SH3GL1: variants seen among roughly 807,000 people sequenced by gnomAD.
The protein encoded by SH3GL1 is SH3 domain containing GRB2 like 1, endophilin A2.
A neutral mutation model predicts 48.8 loss-of-function variants in SH3GL1; 21 were observed. That is an observed-to-expected ratio of 0.43 (90% CI 0.30 to 0.62). The LOEUF is 0.62. Ranked by LOEUF, SH3GL1 falls within the 20% of genes least tolerant of loss-of-function variation. SH3GL1 has a pLI of 0.11. For synonymous variants in SH3GL1, 282 were observed against 217.5 expected, an observed-to-expected ratio of 1.30 and a Z score of -2.61; for missense variants, 454 against 503.0, an observed-to-expected ratio of 0.90 and a Z score of 0.93.
chr19:4,384,016 C>A (rs183494747), intron 1 of SH3GL1, among the ~76,000 whole-genome samples: 452 of 152,316 alleles, frequency 3.0e-3, no homozygotes, highest in African/African-American at 9.7e-3. Flanking sequence ...GGCTACAAAT[C>A]AATCTTATCA....
intron 1 of SH3GL1, among the ~76,000 whole-genome samples, chr19:4,385,500 G>A (rs1357015810): frequency 6.6e-6 from 1 of 152,182 alleles, no homozygotes; most frequent in East Asian, 1.9e-4. Context: ...CTCCAGAAAC[G>A]TGATTGCAGC....
At chr19:4,364,892 G>A (rs1179727349) in intron 4 of SH3GL1, among the ~76,000 whole-genome samples, 203 of 108,130 alleles carry the variant, frequency 1.9e-3, no homozygotes, top group African/African-American at 6.9e-3. Flanking sequence ...GTGTGTGTGT[G>A]TGTGTGTATA....
chr19:4,365,748 A>T (rs1972763496), intron 3 of SH3GL1, 123 bp from the exon 4 acceptor site: 2 of 1,375,370 alleles, frequency 1.5e-6, no homozygotes, highest in South Asian at 2.3e-5. Flanking sequence ...CCTAGGCCAC[A>T]CAAAGCACAG....
chr19:4,366,660 T>C, intron 2 of SH3GL1, 87 bp from the exon 3 acceptor site: 1 of 1,270,162 alleles, frequency 7.9e-7, no homozygotes, highest in Non-Finnish European at 1.1e-6. Context: ...CCTCCTGCCC[T>C]AAGAGCCCAT....
intron 1 of SH3GL1, among the ~76,000 whole-genome samples, chr19:4,369,422 C>A (rs552207639): frequency 2.4e-4 from 37 of 152,336 alleles, no homozygotes; most frequent in Non-Finnish European, 2.5e-4. Context: ...ACCTTCTGGG[C>A]GGAGGCCACC....
chr19:4,364,036 C>T, intron 5 of SH3GL1, 52 bp downstream of exon 5: 1 of 1,609,142 alleles, frequency 6.2e-7, no homozygotes, highest in Non-Finnish European at 8.5e-7. Context: ...AATGGGGCTG[C>T]CCCATCCGGC....
Position 4,400,264 on chromosome 19 carries a change from G to A in SH3GL1, c.45+60C>T. On this transcript the variant is annotated intron_variant, in intron 1 of 9. Transcript: ENST00000269886. The surrounding 1 kb of genome is among the most constrained non-coding windows in gnomAD (Gnocchi z 4.1). ...CCCCTCCCGGGCCAGGTCGGGCCTG[G>A]CTCCCTCATCCGGGCAGCCCGGGGC... The A allele has an allele frequency of 6.4e-7, 1 of 1,556,348 alleles. No homozygotes were observed. The highest frequency in any genetic ancestry group is 8.7e-7 in the Non-Finnish European group (1 of 1,150,228).
At chr19:4,393,428 G>A (rs534761327) in intron 1 of SH3GL1, among the ~76,000 whole-genome samples, 5 of 152,200 alleles carry the variant, frequency 3.3e-5, no homozygotes, top group East Asian at 1.9e-4. Context: ...AAGACCTGGA[G>A]TGGTGGGGTT....
In SH3GL1 at chr19:4,361,739, C is replaced by A. The variant is rs771296697; in HGVS notation, c.968G>T (p.Gly323Val). Residue 323 changes from glycine (G) to valine (V), a missense_variant, in exon 10 of 10, where the codon GGG (glycine) becomes GTG (valine). Physicochemically the swap from Gly to Val is moderately radical, Grantham distance 109 (BLOSUM62 -3). Coordinates refer to ENST00000269886, the MANE Select transcript of SH3GL1 (RefSeq NM_003025.4). Reference protein sequence around the residue: ...ALYDFEPENDGELGFHEGDVI... With the variant: ...ALYDFEPENDVELGFHEGDVI... ...GTCGCCCTCATGGAAGCCCAGCTCC[C>A]CGTCGTTCTCGGGCTCGAAGTCGTA... 6.2e-7 allele frequency: 1 copy of A among 1,612,974 alleles called. No individual in the cohort carries two copies. The highest frequency in any genetic ancestry group is 8.5e-7 in the Non-Finnish European group (1 of 1,179,876).
At chr19:4,371,645 C>T (rs1230001665) in intron 1 of SH3GL1, among the ~76,000 whole-genome samples, 15 of 152,216 alleles carry the variant, frequency 9.9e-5, no homozygotes, top group African/African-American at 3.4e-4. Flanking sequence ...CCACATTTGC[C>T]CGCAGAGGGG....
chr19:4,364,623 G>A (rs1599591750), intron 4 of SH3GL1: 2 of 256,806 alleles, frequency 7.8e-6, no homozygotes, highest in East Asian at 2.1e-4. Context: ...TAGAGACGGG[G>A]TTTCACCATA....
At chr19:4,392,562 ACACACAC>A (rs1568422027) in intron 1 of SH3GL1, among the ~76,000 whole-genome samples, 17 of 125,248 alleles carry the variant, frequency 1.4e-4, no homozygotes, top group African/African-American at 5.2e-4. Context: ...ACACACACAC[ACACACAC>A]AAAAGATCAT....
chr19:4,361,161 T>C lies in SH3GL1; in HGVS notation c.*439A>G, dbSNP rs374741460. ...AGGGTCCTATCTCTGAGCCACCCCA[T>C]GGGGACCCTCGATCCCATCCTGTTA... On this transcript the variant is annotated 3_prime_UTR_variant, in exon 10 of 10. Coordinates refer to ENST00000269886, the MANE Select transcript of SH3GL1 (RefSeq NM_003025.4). The C allele has an allele frequency of 2.0e-3, 539 of 264,920 alleles. No homozygotes were observed. The highest frequency in any genetic ancestry group is 9.9e-3 in the African/African-American group (454 of 45,778). The allele number at this position is 264,920 out of a possible 1,614,324, so 16.4% of individuals were successfully genotyped here.
rs140095586 is a variant in SH3GL1, at chr19:4,361,639, C to T, written c.1068G>A (p.Pro356=). The change falls in exon 10 of 10, where the codon CCG becomes CCA. Residue 356 remains proline (P), a synonymous_variant. Transcript: ENST00000269886. ...GMLDGQSGFF[P]LSYVEVLVPL... is the part of the protein sequence containing the mutation. ...GCACAAGCACCTCCACGTAGCTGAG[C>T]GGGAAGAAGCCCGACTGGCCGTCCA... 3.4e-4 allele frequency: 554 copies of T among 1,608,582 alleles called. 4 individuals carry two copies. In the South Asian group the frequency reaches 5.3e-3, roughly 15 times the overall value.
chr19:4,363,921 G>A, intron 5 of SH3GL1, 43 bp from the exon 6 acceptor site: 1 of 1,611,012 alleles, frequency 6.2e-7, no homozygotes, highest in Non-Finnish European at 8.5e-7. Flanking sequence ...AGCGGCCAGA[G>A]GGCCGCCCCA....
In SH3GL1 at chr19:4,400,184, G is replaced by T; in HGVS notation, c.45+140C>A. The T allele has an allele frequency of 2.2e-6, 2 of 914,490 alleles. No homozygotes were observed. Among genetic ancestry groups the T allele is most frequent in the Non-Finnish European group, 3.2e-6 (2 of 634,304 alleles). The allele number at this position is 914,490 out of a possible 1,614,324, so 56.6% of individuals were successfully genotyped here. On this transcript the variant is annotated intron_variant, in intron 1 of 9. Transcript: ENST00000269886. The surrounding 1 kb of genome is among the most constrained non-coding windows in gnomAD (Gnocchi z 4.1). ...CCTCGTCGCCCCCGTCCGTCCCTTG[G>T]TCTTCCCACCTGGCAGGGGACACGC...
intron 1 of SH3GL1, among the ~76,000 whole-genome samples, chr19:4,385,127 G>C (rs1439180682): frequency 1.3e-5 from 2 of 150,502 alleles, no homozygotes; most frequent in African/African-American, 4.9e-5. Flanking sequence ...ACTAGGGTAC[G>C]AGAAACCAAG....
intron 1 of SH3GL1, among the ~76,000 whole-genome samples, chr19:4,397,924 G>A (rs186211984): frequency 2.0e-5 from 3 of 152,288 alleles, no homozygotes; most frequent in African/African-American, 7.2e-5. Flanking sequence ...ATAGTTCACT[G>A]CAGCCTTGAA....
intron 8 of SH3GL1, 102 bp from the exon 9 acceptor site, chr19:4,362,487 C>T (rs1972648211): frequency 1.3e-6 from 2 of 1,572,502 alleles, no homozygotes; most frequent in Non-Finnish European, 1.7e-6. Context: ...CTTGGCGGTC[C>T]AGATGGAGCA....
Sources: gnomAD v4.1 joint callset for allele counts (sites outside exome capture counted in the v4.1 genomes callset) on GRCh38, gnomAD v4.1.1 for gene constraint, Gnocchi (gnomAD v3.1) non-coding constraint, MANE v1.5 for transcripts, NCBI Gene and HGNC (gene_info 2026-07-23, HGNC 2026-07-21) for gene names.